The following BRDT variants were observed in gnomAD, a reference collection of about 807,000 sequenced individuals.
BRDT encodes the protein bromodomain testis-specific protein.
A neutral mutation model predicts 113.9 loss-of-function variants in BRDT; 77 were observed. That is an observed-to-expected ratio of 0.68 (90% CI 0.56 to 0.82). The LOEUF (loss-of-function observed/expected upper bound fraction) is 0.82. Among genes scored for constraint, BRDT ranks in the 40% least tolerant of loss-of-function variants. BRDT has a pLI of 0.00. For synonymous variants in BRDT, 358 were observed against 366.5 expected (o/e 0.98, Z 0.26); for missense variants, 1,027 against 1,105.4 (o/e 0.93, Z 1.01).
intron 14 of BRDT, among the ~76,000 whole-genome samples, chr1:91,993,805 TA>T (rs770247118): frequency 1.3e-5 from 2 of 152,198 alleles, no homozygotes; most frequent in African/African-American, 2.4e-5. Flanking sequence ...TATACTCATG[TA>T]AAATATACAT....
intron 13 of BRDT, 25 bp from the exon 14 acceptor site, chr1:91,992,239 C>G: frequency 1.6e-6 from 2 of 1,252,538 alleles, no homozygotes. Flanking sequence ...ATGATTAATG[C>G]TATAATCTAT....
rs1570544277 is a variant in BRDT at position 91,981,687 on chromosome 1, G to A, written c.1934G>A (p.Ser645Asn). ...SRLSESSSSSSSSSESESSSS... is the reference protein window; with the variant it reads ...SRLSESSSSSNSSSESESSSS... ...CTGAGTGAGAGCAGCAGCAGCAGCA[G>A]CAGCTCATCAGAGTCTGAAAGTAGC... Residue 645 changes from serine (S) to asparagine (N), a missense_variant, in exon 12 of 19, where the codon AGC becomes AAC. Transcript: ENST00000399546. 3 of 1,614,196 alleles carry A rather than the reference G, an allele frequency of 1.9e-6. No homozygotes were observed. Among genetic ancestry groups the A allele is most frequent in the South Asian group, 2.2e-5 (2 of 91,088 alleles).
Position 92,005,111 on chromosome 1 carries a change from T to G in BRDT, c.2595-8T>G. 6.9e-7 allele frequency: 1 copy of G among 1,450,052 alleles called. No individual in the cohort carries two copies. Among genetic ancestry groups the G allele is most frequent in the Non-Finnish European group, 9.1e-7 (1 of 1,102,584 alleles). 89.8% of individuals were successfully genotyped at this position (1,450,052 alleles called of 1,614,324 possible). ...AACCTACTTTGAGCTATACTTTTTT[T>G]CTTTAAGGGATCTTGGGAATGGATT... On this transcript the variant is annotated splice_polypyrimidine_tract_variant and splice_region_variant and intron_variant, in intron 17 of 18. Transcript: ENST00000399546.
intron 4 of BRDT, among the ~76,000 whole-genome samples, chr1:91,969,225 C>T (rs1363818437): frequency 6.6e-6 from 1 of 152,068 alleles, no homozygotes; most frequent in Non-Finnish European, 1.5e-5. Flanking sequence ...CAGGCGTGAG[C>T]CACCGCGCCT....
intron 12 of BRDT, among the ~76,000 whole-genome samples, chr1:91,985,917 C>T (rs1685194957): frequency 1.3e-5 from 2 of 152,220 alleles, no homozygotes; most frequent in East Asian, 1.9e-4. Flanking sequence ...GGATTACAGG[C>T]GTGAGCCACC....
intron 12 of BRDT, among the ~76,000 whole-genome samples, chr1:91,984,609 A>T (rs1685029736): frequency 6.6e-6 from 1 of 152,158 alleles, no homozygotes; most frequent in South Asian, 2.1e-4. Context: ...TGAATATGAA[A>T]AATAAAATAT....
chr1:91,962,951 G>GTATGTCTT lies in BRDT; in HGVS notation c.192+6_192+13dup. 1 of 1,560,230 alleles carries GTATGTCTT rather than the reference G, an allele frequency of 6.4e-7. No individual in the cohort carries two copies. The highest frequency in any genetic ancestry group is 1.2e-5 in the South Asian group (1 of 81,014). On this transcript the variant is annotated splice_donor_region_variant and intron_variant, in intron 2 of 18. Coordinates refer to ENST00000399546, the MANE Select transcript of BRDT (RefSeq NM_207189.4). ...GCTGTGAAACTACAGTTGCCTGTAT[G>GTATGTCTT]TATGTCTTCAACTATGTTAGTTTCA...
rs576227255 is a variant in BRDT, at chr1:91,955,647, C to T, written c.-38+5965C>T. On this transcript the variant is annotated intron_variant, in intron 1 of 18. Coordinates refer to ENST00000399546, the MANE Select transcript of BRDT (RefSeq NM_207189.4). ...AAAGCCACATAAGCCCATTTTTAAA[C>T]GTTTAAAAGAAACAGAAGATTAAAG... is the stretch of plus-strand genomic sequence containing the variant. Among the ~76,000 whole-genome samples, 3 of 151,288 alleles carry T rather than the reference C, an allele frequency of 2.0e-5. No homozygotes were observed. The East Asian group carries it at 5.8e-4, about 29-fold the overall frequency.
chr1:92,001,472 G>A (rs777155099), intron 15 of BRDT, among the ~76,000 whole-genome samples: 8 of 152,296 alleles, frequency 5.3e-5, no homozygotes, highest in Non-Finnish European at 8.8e-5. Flanking sequence ...GAGGCGGGCA[G>A]ATCACTGAAG....
intron 1 of BRDT, among the ~76,000 whole-genome samples, chr1:91,958,214 C>CTTTTTT (rs35049237): frequency 1.6e-5 from 2 of 127,342 alleles, no homozygotes. Flanking sequence ...AACTCATGCC[C>CTTTTTT]TTTTTTTTTT....
At chr1:92,009,971 G>T (rs1189847264) in intron 18 of BRDT, among the ~76,000 whole-genome samples, 1 of 151,990 alleles carries the variant, frequency 6.6e-6, no homozygotes, top group African/African-American at 2.4e-5. Context: ...CTGTCTCATT[G>T]ATTCCATTGT....
chr1:92,007,954 G>A (rs971821661), intron 18 of BRDT, among the ~76,000 whole-genome samples: 8 of 151,690 alleles, frequency 5.3e-5, no homozygotes, highest in African/African-American at 1.2e-4. Context: ...TTTCGCTCTT[G>A]TCGCCCAGCC....
At chr1:91,985,663 G>T (rs1351846141) in intron 12 of BRDT, among the ~76,000 whole-genome samples, 1 of 101,824 alleles carries the variant, frequency 9.8e-6, no homozygotes, top group Admixed American at 1.4e-4. Context: ...TTTTTGAGAC[G>T]GAGTCTGCTC....
intron 12 of BRDT, among the ~76,000 whole-genome samples, chr1:91,982,950 A>C (rs1684851455): frequency 1.3e-5 from 2 of 152,198 alleles, no homozygotes; most frequent in Non-Finnish European, 2.9e-5. Flanking sequence ...TTCATCTAAT[A>C]AAGCATTTGT....
At chr1:91,999,548 C>T (rs575048791) in intron 15 of BRDT, among the ~76,000 whole-genome samples, 2 of 152,242 alleles carry the variant, frequency 1.3e-5, no homozygotes, top group South Asian at 4.1e-4. Flanking sequence ...TCATCTACCC[C>T]AGAATTTCCC....
chr1:91,965,196 G>A (rs1341283284), intron 3 of BRDT, among the ~76,000 whole-genome samples: 1 of 152,032 alleles, frequency 6.6e-6, no homozygotes, highest in Non-Finnish European at 1.5e-5. Context: ...TTATAGGTGT[G>A]AGCCACTGTG....
At chr1:91,990,537 A>G (rs893062561) in intron 12 of BRDT, among the ~76,000 whole-genome samples, 1 of 152,160 alleles carries the variant, frequency 6.6e-6, no homozygotes, top group African/African-American at 2.4e-5. Context: ...TTGAAACCTT[A>G]TCTCTGTTGC....
chr1:91,959,597 C>T (rs1033717909), intron 1 of BRDT, among the ~76,000 whole-genome samples: 1 of 152,012 alleles, frequency 6.6e-6, no homozygotes, highest in African/African-American at 2.4e-5. Flanking sequence ...CCTTCCACTT[C>T]AGCCTCCCGA....
intron 13 of BRDT, among the ~76,000 whole-genome samples, chr1:91,991,940 C>T (rs138378057): frequency 0.071 from 10,109 of 143,136 alleles, 412 homozygotes; most frequent in African/African-American, 0.1. Context: ...TCCAGTGAGC[C>T]GAGATTGTGC....
Sources: gnomAD v4.1 joint callset for allele counts (sites outside exome capture counted in the v4.1 genomes callset) on GRCh38, gnomAD v4.1.1 for gene constraint, MANE v1.5 for transcripts, NCBI Gene and HGNC (gene_info 2026-07-23, HGNC 2026-07-21) for gene names.